Variants in PDE1A observed in about 807,000 individuals in gnomAD.
The protein encoded by PDE1A is phosphodiesterase 1A.
In PDE1A, 35 loss-of-function variants were observed where a neutral mutation model predicts 61.7. The ratio of observed to expected loss-of-function variants is 0.57; its 90% confidence interval spans 0.43 to 0.75. The LOEUF (loss-of-function observed/expected upper bound fraction) is 0.75, where lower values mean the gene tolerates loss of function less well. Ranked by LOEUF, PDE1A falls within the 30% of genes least tolerant of loss-of-function variation. The pLI, the probability that PDE1A is intolerant of heterozygous loss-of-function variation, is 0.00. For synonymous variants in PDE1A, 232 were observed against 213.2 expected (o/e 1.09, Z -0.77); for missense variants, 597 against 630.6 (o/e 0.95, Z 0.57).
chr2:182,562,190 G>T, the PDE1A span, among the ~76,000 whole-genome samples: 1 of 152,068 alleles, frequency 6.6e-6, no homozygotes, highest in African/African-American at 2.4e-5. Flanking sequence ...ATTGGCTGTG[G>T]GTTTGTCAGA....
At chr2:182,357,935 T>C (rs796556661) in intron 1 of PDE1A, among the ~76,000 whole-genome samples, 2 of 152,286 alleles carry the variant, frequency 1.3e-5, no homozygotes, top group African/African-American at 4.8e-5. Flanking sequence ...CAAGCTACCA[T>C]GTGGCTCCAC....
At chr2:182,234,621 C>T (rs1345501625) in intron 3 of PDE1A, 123 bp from the exon 4 acceptor site, 1 of 619,008 alleles carries the variant, frequency 1.6e-6, no homozygotes, top group South Asian at 2.0e-5. Context: ...GTTACAGACT[C>T]CCTTTGTGTC....
chr2:182,499,601 C>G (rs1347493390), intron 2 of PDE1A, among the ~76,000 whole-genome samples: 1 of 152,124 alleles, frequency 6.6e-6, no homozygotes, highest in Non-Finnish European at 1.5e-5. Context: ...AAGAACATCA[C>G]ACAAAAAGAA....
chr2:182,693,430 G>A, the PDE1A span, among the ~76,000 whole-genome samples: 1 of 152,064 alleles, frequency 6.6e-6, no homozygotes, highest in Non-Finnish European at 1.5e-5. Flanking sequence ...CTAATAATGT[G>A]CAGCAGCCTT....
At chr2:182,687,221 G>A in the PDE1A span, among the ~76,000 whole-genome samples, 10 of 152,286 alleles carry the variant, frequency 6.6e-5, no homozygotes, top group African/African-American at 2.4e-4. Flanking sequence ...ATCTGAGAAC[G>A]GACAGACTGC....
intron 1 of PDE1A, chr2:182,522,418 A>G: frequency 6.2e-7 from 1 of 1,611,642 alleles, no homozygotes. Flanking sequence ...CAGTTTCAGC[A>G]GCTAGAACAA....
intron 2 of PDE1A, among the ~76,000 whole-genome samples, chr2:182,263,772 C>G (rs1416603176): frequency 6.6e-6 from 1 of 152,160 alleles, no homozygotes; most frequent in Non-Finnish European, 1.5e-5. Context: ...ATAAGTCCCC[C>G]TTTCCTAATC....
intron 2 of PDE1A, among the ~76,000 whole-genome samples, chr2:182,517,576 T>C (rs1000736566): frequency 2.6e-5 from 4 of 152,168 alleles, no homozygotes; most frequent in Non-Finnish European, 5.9e-5. Context: ...TCAAAAGCTG[T>C]GGTTGAATAG....
chr2:182,395,943 A>G (rs1220064870), intron 1 of PDE1A, among the ~76,000 whole-genome samples: 1 of 152,134 alleles, frequency 6.6e-6, no homozygotes, highest in Non-Finnish European at 1.5e-5. Flanking sequence ...CCTATCATGA[A>G]CTTGGTGCTT....
At chr2:182,556,322 T>C in the PDE1A span, among the ~76,000 whole-genome samples, 1 of 151,800 alleles carries the variant, frequency 6.6e-6, no homozygotes, top group African/African-American at 2.4e-5. Context: ...GCTGTTGGGG[T>C]GGTGAGAGAG....
At chr2:182,380,823 A>T (rs1203771620) in intron 1 of PDE1A, among the ~76,000 whole-genome samples, 1 of 152,228 alleles carries the variant, frequency 6.6e-6, no homozygotes, top group African/African-American at 2.4e-5. Flanking sequence ...ACTAATAGTT[A>T]TTTAATAAAG....
intron 1 of PDE1A, among the ~76,000 whole-genome samples, chr2:182,381,338 C>T (rs1161626864): frequency 6.6e-6 from 1 of 152,116 alleles, no homozygotes; most frequent in African/African-American, 2.4e-5. Context: ...CATGAAACAT[C>T]TGAATTCACT....
chr2:182,524,397 T>A (rs141773772), upstream of PDE1A, among the ~76,000 whole-genome samples: 33 of 152,278 alleles, frequency 2.2e-4, no homozygotes, highest in East Asian at 6.4e-3. Flanking sequence ...AGCTTACCAA[T>A]AACATTGCAA....
At chr2:182,340,230 G>C (rs1698098720) in intron 1 of PDE1A, among the ~76,000 whole-genome samples, 1 of 152,130 alleles carries the variant, frequency 6.6e-6, no homozygotes, top group Non-Finnish European at 1.5e-5. Context: ...TTTGCTTTCA[G>C]GCAAATTATA....
At chr2:182,527,321 A>T (rs1559543371), upstream of PDE1A, among the ~76,000 whole-genome samples, 19 of 45,066 alleles carry the variant, frequency 4.2e-4, no homozygotes, top group African/African-American at 1.6e-3. Context: ...AAAAAAAAAA[A>T]AAAAAAATAT....
At chr2:182,443,042 G>T (rs1290917330) in intron 2 of PDE1A, among the ~76,000 whole-genome samples, 1 of 151,868 alleles carries the variant, frequency 6.6e-6, no homozygotes, top group Admixed American at 6.6e-5. Flanking sequence ...CACCCTGAAG[G>T]GGGTTCAGGT....
chr2:182,377,017 C>T (rs2053270), intron 1 of PDE1A, among the ~76,000 whole-genome samples: 108,420 of 152,100 alleles, frequency 0.71, 38,905 homozygotes, highest in East Asian at 0.96. Flanking sequence ...ATGAGAATTA[C>T]GGGAGTACAA....
chr2:182,667,145 A>G, the PDE1A span, among the ~76,000 whole-genome samples: 3 of 152,204 alleles, frequency 2.0e-5, no homozygotes, highest in African/African-American at 7.2e-5. Flanking sequence ...TCAGGTTTTT[A>G]GCCACCAGAC....
chr2:182,646,794 T>C, the PDE1A span, among the ~76,000 whole-genome samples: 1 of 150,654 alleles, frequency 6.6e-6, no homozygotes, highest in African/African-American at 2.4e-5. Context: ...AGAAATTATG[T>C]ATTAAGCAGA....
Sources: gnomAD v4.1 joint callset for allele counts (sites outside exome capture counted in the v4.1 genomes callset) on GRCh38, gnomAD v4.1.1 for gene constraint, MANE v1.5 for transcripts, NCBI Gene and HGNC (gene_info 2026-07-23, HGNC 2026-07-21) for gene names.